MTSS1: variants seen among roughly 807,000 people sequenced by gnomAD.
MTSS1 encodes the protein MTSS I-BAR domain containing 1, also known as protein MTSS 1.
In MTSS1, 18 loss-of-function variants were observed where a neutral mutation model predicts 79.0. The observed-to-expected ratio is 0.23, with a 90% CI of 0.16 to 0.34. The LOEUF (loss-of-function observed/expected upper bound fraction) is 0.34, where lower values mean the gene tolerates loss of function less well. Among genes scored for constraint, MTSS1 ranks in the 10% least tolerant of loss-of-function variants. The pLI, the probability that MTSS1 is intolerant of heterozygous loss-of-function variation, is 1.00. For synonymous variants in MTSS1, 341 were observed against 368.6 expected (o/e 0.93, Z 0.86); for missense variants, 815 against 986.2 (o/e 0.83, Z 2.33).
chr8:124,567,737 G>A (rs1322566227), intron 7 of MTSS1: 3 of 1,519,106 alleles, frequency 2.0e-6, no homozygotes, highest in Non-Finnish European at 1.8e-6. Flanking sequence ...GGGACCACGG[G>A]CCGGGCTAGA....
intron 3 of MTSS1, among the ~76,000 whole-genome samples, chr8:124,685,474 A>G (rs1826809328): frequency 6.6e-6 from 1 of 152,260 alleles, no homozygotes; most frequent in African/African-American, 2.4e-5. Context: ...GATTCTGGGC[A>G]GAGCTCTCAG....
intron 3 of MTSS1, among the ~76,000 whole-genome samples, chr8:124,630,213 T>C (rs1815645296): frequency 6.6e-6 from 1 of 152,224 alleles, no homozygotes; most frequent in South Asian, 2.1e-4. Flanking sequence ...AAAGAGGTTG[T>C]GGACCCTAAA....
At chr8:124,633,008 G>C (rs1381479524) in intron 3 of MTSS1, among the ~76,000 whole-genome samples, 1 of 151,942 alleles carries the variant, frequency 6.6e-6, no homozygotes, top group Non-Finnish European at 1.5e-5. Context: ...TCATACATAA[G>C]GTCAGTAAAA....
Position 124,653,275 on chromosome 8 carries a change from G to A in MTSS1, c.208+46251C>T, listed in dbSNP as rs7820280. Reference sequence around the variant, plus strand: ...TTGGGGACAGTACAGGAAGTCATCAGCTCAAAGTTATGCCTAAATGCAGTG... The same window carrying A: ...TTGGGGACAGTACAGGAAGTCATCAACTCAAAGTTATGCCTAAATGCAGTG... On this transcript the variant is annotated intron_variant, in intron 3 of 13. Transcript: ENST00000518547. Among the ~76,000 whole-genome samples the A allele has an allele frequency of 4.1e-3, 623 of 152,344 alleles. 4 individuals are homozygous for A. The highest frequency in any genetic ancestry group is 5.5e-3 in the Non-Finnish European group (371 of 68,034).
chr8:124,587,020 AC>A (rs1488190302), intron 5 of MTSS1, among the ~76,000 whole-genome samples: 2 of 152,194 alleles, frequency 1.3e-5, no homozygotes, highest in Non-Finnish European at 2.9e-5. Context: ...GCTTTGCTGT[AC>A]CAGCAAAGGG....
At chr8:124,623,224 C>T (rs919913398) in intron 3 of MTSS1, among the ~76,000 whole-genome samples, 1 of 152,244 alleles carries the variant, frequency 6.6e-6, no homozygotes, top group African/African-American at 2.4e-5. Context: ...TGAACTCACA[C>T]ACGTTTATCC....
rs141572125 is a variant in MTSS1, at chr8:124,604,693, A to G, written c.209-13458T>C. 5.3e-5 allele frequency among the ~76,000 whole-genome samples: 8 copies of G among 152,270 alleles called. No homozygotes were observed. In the South Asian group the frequency reaches 8.3e-4, roughly 16 times the overall value. On this transcript the variant is annotated intron_variant, in intron 3 of 13. Coordinates refer to ENST00000518547, the MANE Select transcript of MTSS1 (RefSeq NM_014751.6). ...GTTTACGGGACAGCTAATACTGCAC[A>G]TTCAGCAAATGCTAGGTAGGGTCAG...
chr8:124,651,860 T>C (rs1490488695), intron 3 of MTSS1, among the ~76,000 whole-genome samples: 1 of 152,270 alleles, frequency 6.6e-6, no homozygotes, highest in Non-Finnish European at 1.5e-5. Context: ...CGTGCTCCCC[T>C]AGAAGAAGGC....
chr8:124,557,620 A>T, intron 11 of MTSS1, 61 bp downstream of exon 11: 2 of 1,449,648 alleles, frequency 1.4e-6, no homozygotes, highest in Admixed American at 4.0e-5. Context: ...GGGGGTTGGA[A>T]CAGAAGAGGG....
chr8:124,643,726 C>T (rs138811646), intron 3 of MTSS1, among the ~76,000 whole-genome samples: 3,724 of 141,122 alleles, frequency 0.026, 88 homozygotes, highest in Non-Finnish European at 0.037. Context: ...AAAAAAACCA[C>T]GAAAATCTGT....
chr8:124,678,933 C>T (rs200478271), intron 3 of MTSS1, among the ~76,000 whole-genome samples: 1 of 152,210 alleles, frequency 6.6e-6, no homozygotes, highest in Non-Finnish European at 1.5e-5. Context: ...AACACCTATC[C>T]CTTCTTTACT....
chr8:124,555,860 C>G lies in MTSS1; in HGVS notation c.1449G>C (p.Leu483=), dbSNP rs756786265. The change falls in exon 13 of 14, where the codon CTG becomes CTC. Residue 483 remains leucine (L), a synonymous_variant. Coordinates refer to ENST00000518547, the MANE Select transcript of MTSS1 (RefSeq NM_014751.6). ...MEACEELALA[L]SRGLQLDTQR... ...GGGTGTCCAGCTGCAGGCCCCGAGA[C>G]AGGGCCAGGGCCAGCTCCTCACAAG... is the stretch of plus-strand genomic sequence containing the variant. 4 of 1,611,688 alleles carry G rather than the reference C, an allele frequency of 2.5e-6. No individual in the cohort carries two copies. The East Asian group carries it at 8.9e-5, about 36-fold the overall frequency.
At chr8:124,634,908 C>T (rs766607277) in intron 3 of MTSS1, among the ~76,000 whole-genome samples, 5 of 152,122 alleles carry the variant, frequency 3.3e-5, no homozygotes, top group Admixed American at 2.0e-4. Context: ...TGGGAAGTGC[C>T]GTTCTATGCT....
chr8:124,587,505 A>AT (rs1318595597), intron 5 of MTSS1, among the ~76,000 whole-genome samples: 1 of 151,838 alleles, frequency 6.6e-6, no homozygotes, highest in Admixed American at 6.6e-5. Flanking sequence ...TATATTAACT[A>AT]TTTTTTTTCT....
At chr8:124,590,454 G>T (rs185379564) in intron 4 of MTSS1, among the ~76,000 whole-genome samples, 1 of 152,172 alleles carries the variant, frequency 6.6e-6, no homozygotes, top group Non-Finnish European at 1.5e-5. Context: ...CACTAAGTAT[G>T]CACAGCCTGG....
chr8:124,624,730 A>T (rs998036159), intron 3 of MTSS1, among the ~76,000 whole-genome samples: 1 of 152,230 alleles, frequency 6.6e-6, no homozygotes, highest in African/African-American at 2.4e-5. Context: ...GTCTGTTCAG[A>T]TGAATGGAGA....
rs1373065682 is a variant in MTSS1, at chr8:124,580,719, A to T, written c.460+4368T>A. The T allele has an allele frequency of 1.1e-5, 8 of 736,896 alleles. No homozygotes were observed. In the East Asian group the frequency reaches 2.0e-4, roughly 18 times the overall value. The allele number at this position is 736,896 out of a possible 1,614,324, so 45.6% of individuals were successfully genotyped here. The stretch of plus-strand genomic sequence containing the variant: ...GCCACCAAATTTTCTATTAGGGCTG[A>T]TTAAACCCACATCCACATTCCCCTT... On this transcript the variant is annotated intron_variant, in intron 6 of 13. Transcript: ENST00000518547.
At chr8:124,672,475 C>T (rs1054438065) in intron 3 of MTSS1, among the ~76,000 whole-genome samples, 4 of 149,402 alleles carry the variant, frequency 2.7e-5, no homozygotes, top group African/African-American at 7.4e-5. Context: ...GCCTGGGCAA[C>T]AGAGCAAGAC....
rs114096171 is a variant in MTSS1, at chr8:124,559,218, A to G, written c.1036-1343T>C. ...TCTTGGGTGTTTCTTCACGTGCCAC[A>G]GGCCCAGGTCCCCAGGGAGGCCCCG... On this transcript the variant is annotated intron_variant, in intron 10 of 13. Coordinates refer to ENST00000518547, the MANE Select transcript of MTSS1 (RefSeq NM_014751.6). 3.0e-3 allele frequency among the ~76,000 whole-genome samples: 455 copies of G among 152,312 alleles called. 1 individual carries two copies. The highest frequency in any genetic ancestry group is 0.01 in the African/African-American group (430 of 41,564).
Sources: gnomAD v4.1 joint callset for allele counts (sites outside exome capture counted in the v4.1 genomes callset) on GRCh38, gnomAD v4.1.1 for gene constraint, MANE v1.5 for transcripts, NCBI Gene and HGNC (gene_info 2026-07-23, HGNC 2026-07-21) for gene names.